Variants in SOS1 observed in about 807,000 individuals in gnomAD.
SOS1 encodes SOS Ras/Rac guanine nucleotide exchange factor 1, also known as son of sevenless homolog 1.
SOS1 carries 25 observed loss-of-function variants against 157.6 expected under a neutral mutation model. That is an observed-to-expected ratio of 0.16 (90% CI 0.12 to 0.22). The LOEUF is 0.22. SOS1 is among the 10% of genes least tolerant of loss of function. The pLI, the probability that SOS1 is intolerant of heterozygous loss-of-function variation, is 1.00. For synonymous variants in SOS1, 528 were observed against 534.0 expected (o/e 0.99, Z 0.16); for missense variants, 1,237 against 1,599.1 (o/e 0.77, Z 3.86).
At chr2:39,083,013 G>C (rs1007361159) in intron 1 of SOS1, among the ~76,000 whole-genome samples, 10 of 152,172 alleles carry the variant, frequency 6.6e-5, no homozygotes, top group Non-Finnish European at 1.2e-4. Context: ...ATTAGTCCCA[G>C]AGTTGTAGCA....
chr2:39,023,180 T>C lies in SOS1; in HGVS notation c.1248A>G (p.Gln416=). 1 of 1,613,348 alleles carries C rather than the reference T, an allele frequency of 6.2e-7. No homozygotes were observed. Residue 416 remains glutamine (Q), a synonymous_variant, in exon 10 of 23, where the codon CAA becomes CAG. Transcript: ENST00000402219. ...TCTCGTTCATCTTCTTGATTGCTAG[T>C]TGTTTCCCCTTCATTTGCTGACTAT... The part of the protein sequence containing the change: ...RFYSQQMKGK[Q]LAIKKMNEIQ...
Position 38,981,838 on chromosome 2 carries a change from A to G in SOS1, c.*3986T>C, listed in dbSNP as rs866989210. The G allele has an allele frequency of 6.6e-5, 10 of 152,308 alleles. No homozygotes were observed. The highest frequency in any genetic ancestry group is 1.3e-4 in the Non-Finnish European group (9 of 68,006). The allele number at this position is 152,308 out of a possible 1,614,324, so 9.4% of individuals were successfully genotyped here. ...ACACATATATACACAAACACGTCTC[A>G]ACTAAAATTATACATGTCACTTTGA... On this transcript the variant is annotated 3_prime_UTR_variant, in exon 23 of 23. Coordinates refer to ENST00000402219, the MANE Select transcript of SOS1 (RefSeq NM_005633.4).
At chr2:39,074,207 A>T (rs996713678) in intron 1 of SOS1, among the ~76,000 whole-genome samples, 1 of 152,092 alleles carries the variant, frequency 6.6e-6, no homozygotes, top group African/African-American at 2.4e-5. Context: ...AAAATTAGCC[A>T]GGTGCGGTGG....
At chr2:39,106,114 G>A (rs377379578) in intron 1 of SOS1, among the ~76,000 whole-genome samples, 18 of 151,726 alleles carry the variant, frequency 1.2e-4, no homozygotes, top group East Asian at 3.9e-4. Context: ...CAGCTACTTC[G>A]GAGGCTGATG....
chr2:39,089,179 A>C (rs952124174), intron 1 of SOS1, among the ~76,000 whole-genome samples: 3 of 152,196 alleles, frequency 2.0e-5, no homozygotes, highest in African/African-American at 7.2e-5. Context: ...GGCAGCCCTC[A>C]AAATAGGGAA....
chr2:39,057,842 A>C (rs1671264908), intron 3 of SOS1, among the ~76,000 whole-genome samples: 1 of 151,998 alleles, frequency 6.6e-6, no homozygotes, highest in African/African-American at 2.4e-5. Flanking sequence ...AACTCATTCA[A>C]GTGTTTAACT....
At chr2:39,041,183 G>C (rs1383075300) in intron 6 of SOS1, among the ~76,000 whole-genome samples, 1 of 151,968 alleles carries the variant, frequency 6.6e-6, no homozygotes, top group Non-Finnish European at 1.5e-5. Flanking sequence ...CTCAGCCCCC[G>C]AGTAGCTGAG....
chr2:39,039,810 T>A (rs528881722), intron 6 of SOS1, among the ~76,000 whole-genome samples: 3 of 152,174 alleles, frequency 2.0e-5, no homozygotes, highest in Non-Finnish European at 1.5e-5. Context: ...ACTCTTCAGC[T>A]ATTACCTCCC....
At chr2:39,021,525 G>GAAAAAAAAAAAAAAAAAAAAAA in intron 10 of SOS1, among the ~76,000 whole-genome samples, 1 of 104,706 alleles carries the variant, frequency 9.6e-6, no homozygotes, top group South Asian at 3.1e-4. Flanking sequence ...TGCTCTACAG[G>GAAAAAAAAAAAAAAAAAAAAAA]AAAAAAAAAA....
intron 5 of SOS1, among the ~76,000 whole-genome samples, chr2:39,053,608 T>C (rs1418262606): frequency 6.6e-6 from 1 of 152,166 alleles, no homozygotes; most frequent in African/African-American, 2.4e-5. Context: ...TTGAGCCCAA[T>C]CCCAGCCTCT....
chr2:39,045,247 A>AGGGAGAGGGG (rs150513425), intron 6 of SOS1, among the ~76,000 whole-genome samples: 65 of 129,382 alleles, frequency 5.0e-4, no homozygotes, highest in East Asian at 1.1e-3. Context: ...AGAGAGGGAG[A>AGGGAGAGGGG]GAGAGAGAGA....
intron 1 of SOS1, among the ~76,000 whole-genome samples, chr2:39,118,142 T>C (rs934100848): frequency 6.6e-6 from 1 of 152,126 alleles, no homozygotes; most frequent in Non-Finnish European, 1.5e-5. Flanking sequence ...AAAGGAGTAA[T>C]ATCCAACTCA....
chr2:39,063,222 A>C (rs564147036), intron 2 of SOS1, among the ~76,000 whole-genome samples: 1 of 152,250 alleles, frequency 6.6e-6, no homozygotes, highest in Non-Finnish European at 1.5e-5. Flanking sequence ...TCCTGGGCTC[A>C]AGTGATCCTC....
At chr2:39,106,321 T>G (rs1485155705) in intron 1 of SOS1, among the ~76,000 whole-genome samples, 1 of 151,944 alleles carries the variant, frequency 6.6e-6, no homozygotes, top group Non-Finnish European at 1.5e-5. Flanking sequence ...CCGGGCGCGG[T>G]GGCTCACGCC....
chr2:39,121,137 G>A (rs1483675433), upstream of SOS1: 3 of 153,456 alleles, frequency 2.0e-5, no homozygotes, highest in East Asian at 5.7e-4. Context: ...GAGAAAGAGA[G>A]AGAGAGACAG....
chr2:39,086,474 G>C (rs1672379142), intron 1 of SOS1, among the ~76,000 whole-genome samples: 1 of 152,126 alleles, frequency 6.6e-6, no homozygotes, highest in South Asian at 2.1e-4. Flanking sequence ...CATGCAATTA[G>C]CAAATAGGCA....
chr2:39,090,111 G>A (rs1490104801), intron 1 of SOS1, among the ~76,000 whole-genome samples: 2 of 143,870 alleles, frequency 1.4e-5, no homozygotes, highest in Non-Finnish European at 1.5e-5. Flanking sequence ...CTGCGCTCCA[G>A]TCTGGGCAAC....
At chr2:39,054,551 T>C (rs1405156461) in intron 5 of SOS1, 63 bp downstream of exon 5, 6 of 951,592 alleles carry the variant, frequency 6.3e-6, no homozygotes, top group Non-Finnish European at 8.5e-6. Context: ...AACTTCAAAT[T>C]TGAAGTGGTC....
chr2:38,985,684 T>G lies in SOS1; in HGVS notation c.*140A>C. On this transcript the variant is annotated 3_prime_UTR_variant, in exon 23 of 23. Coordinates refer to ENST00000402219, the MANE Select transcript of SOS1 (RefSeq NM_005633.4). ...ATAATTACATCTAGGTTAAAATTCA[T>G]TGTCTTATACTGCATCTTGAAGAAG... 1 of 980,602 alleles carries G rather than the reference T, an allele frequency of 1.0e-6. No homozygotes were observed. Among genetic ancestry groups the G allele is most frequent in the Non-Finnish European group, 1.6e-6 (1 of 618,978 alleles). The allele number at this position is 980,602 out of a possible 1,614,324, so 60.7% of individuals were successfully genotyped here. A position where few individuals can be genotyped will look rare whatever the true frequency, so the allele number is the denominator to read the frequency against.
Sources: allele counts gnomAD v4.1 joint callset (sites outside exome capture counted in the v4.1 genomes callset), GRCh38; gene constraint gnomAD v4.1.1; transcripts MANE v1.5; gene names NCBI Gene and HGNC (gene_info 2026-07-23, HGNC 2026-07-21).